ASIC2: variants seen among roughly 807,000 people sequenced by gnomAD.
ASIC2 encodes acid-sensing ion channel 2.
Under a neutral mutation model 57.3 loss-of-function variants are expected in ASIC2, and 25 were observed. That is an observed-to-expected ratio of 0.44 (90% CI 0.32 to 0.61). The LOEUF (loss-of-function observed/expected upper bound fraction) is 0.61. Ranked by LOEUF, ASIC2 falls within the 20% of genes least tolerant of loss-of-function variation. The pLI is 0.06. For missense variants in ASIC2, 641 were observed against 738.1 expected (o/e 0.87, Z 1.52); for synonymous variants, 319 against 307.5 (o/e 1.04, Z -0.39).
intron 1 of ASIC2, among the ~76,000 whole-genome samples, chr17:33,409,654 C>T (rs1047316418): frequency 1.1e-4 from 17 of 152,304 alleles, no homozygotes; most frequent in African/African-American, 3.8e-4. Flanking sequence ...CAGCAGGCAG[C>T]AGTATCTTCT....
intron 1 of ASIC2, among the ~76,000 whole-genome samples, chr17:34,049,545 C>G (rs953837669): frequency 2.6e-5 from 4 of 152,124 alleles, no homozygotes; most frequent in African/African-American, 9.7e-5. Context: ...CCTCCATGAT[C>G]AAGCCCATCC....
At chr17:33,294,017 T>A (rs1905618171), upstream of ASIC2, among the ~76,000 whole-genome samples, 4 of 152,098 alleles carry the variant, frequency 2.6e-5, no homozygotes, top group South Asian at 8.3e-4. Context: ...CTCAGCCTCT[T>A]AGGGACATCC....
chr17:33,747,130 T>C (rs1910291510), intron 1 of ASIC2, among the ~76,000 whole-genome samples: 1 of 152,104 alleles, frequency 6.6e-6, no homozygotes, highest in Non-Finnish European at 1.5e-5. Flanking sequence ...ATGTACTTTG[T>C]AGATTGTCTT....
intron 1 of ASIC2, among the ~76,000 whole-genome samples, chr17:33,657,752 G>A (rs1907121501): frequency 9.8e-6 from 1 of 102,348 alleles, no homozygotes. Context: ...ACCTTTGGCA[G>A]TTTCTAAAAA....
Position 33,325,214 on chromosome 17 carries a change from A to T in ASIC2, c.556-213147T>A, listed in dbSNP as rs529212349. ...GAAAGCAGACAATAAGCAGATATTC[A>T]CACAAATAACTCAAAAAATGAACCT... On this transcript the variant is annotated intron_variant, in intron 1 of 9. Coordinates refer to the ASIC2 transcript ENST00000359872. Among the ~76,000 whole-genome samples the T allele has an allele frequency of 2.5e-4, 38 of 152,356 alleles. 1 individual carries two copies. The highest frequency in any genetic ancestry group is 7.7e-4 in the African/African-American group (32 of 41,590).
intron 1 of ASIC2, among the ~76,000 whole-genome samples, chr17:33,590,009 C>T (rs147236606): frequency 2.0e-5 from 3 of 152,286 alleles, no homozygotes; most frequent in East Asian, 3.9e-4. Context: ...GTGGTCCACC[C>T]ATCATATAAT....
At chr17:33,811,803 C>T (rs1009248801) in intron 1 of ASIC2, among the ~76,000 whole-genome samples, 1 of 152,202 alleles carries the variant, frequency 6.6e-6, no homozygotes, top group African/African-American at 2.4e-5. Flanking sequence ...GGAACTCAAA[C>T]CCAGACCACA....
At chr17:33,622,652 G>A (rs1349216850) in intron 1 of ASIC2, among the ~76,000 whole-genome samples, 1 of 152,122 alleles carries the variant, frequency 6.6e-6, no homozygotes, top group Non-Finnish European at 1.5e-5. Context: ...AAGATGGAAG[G>A]AAGGTAGATA....
chr17:33,922,922 C>A (rs953378221), intron 1 of ASIC2, among the ~76,000 whole-genome samples: 1 of 152,184 alleles, frequency 6.6e-6, no homozygotes, highest in Non-Finnish European at 1.5e-5. Context: ...CACTAGGCTG[C>A]GTGGCAGATG....
At chr17:33,952,666 G>T (rs765062481) in intron 1 of ASIC2, among the ~76,000 whole-genome samples, 2 of 151,892 alleles carry the variant, frequency 1.3e-5, no homozygotes, top group Non-Finnish European at 2.9e-5. Flanking sequence ...TTACAATTTG[G>T]GCTTTTAAAA....
chr17:33,993,500 T>C (rs1480368157), intron 1 of ASIC2, among the ~76,000 whole-genome samples: 1 of 152,206 alleles, frequency 6.6e-6, no homozygotes, highest in Non-Finnish European at 1.5e-5. Context: ...TGCCTCTTCT[T>C]TGAAGTTCTT....
intron 1 of ASIC2, among the ~76,000 whole-genome samples, chr17:33,853,035 C>A (rs994605960): frequency 6.6e-6 from 1 of 152,192 alleles, no homozygotes; most frequent in Non-Finnish European, 1.5e-5. Flanking sequence ...TCCTCACAGT[C>A]ATGTACAGTC....
At chr17:33,590,576 A>T (rs115871425) in intron 1 of ASIC2, among the ~76,000 whole-genome samples, 1 of 150,876 alleles carries the variant, frequency 6.6e-6, no homozygotes, top group African/African-American at 2.4e-5. Flanking sequence ...TCTACACCAC[A>T]CCCCAATCTC....
chr17:33,856,269 AG>A (rs1390097667), intron 1 of ASIC2, among the ~76,000 whole-genome samples: 1 of 152,200 alleles, frequency 6.6e-6, no homozygotes, highest in Non-Finnish European at 1.5e-5. Flanking sequence ...CAATTTCATG[AG>A]GTCATTGTGA....
At chr17:34,125,067 C>A (rs977813920) in intron 1 of ASIC2, among the ~76,000 whole-genome samples, 1 of 151,652 alleles carries the variant, frequency 6.6e-6, no homozygotes, top group South Asian at 2.1e-4. Flanking sequence ...CTTCCCTTCC[C>A]TTCCAGAGAC....
intron 3 of ASIC2, among the ~76,000 whole-genome samples, chr17:33,068,370 C>A (rs2092052694): frequency 6.6e-6 from 1 of 152,082 alleles, no homozygotes; most frequent in African/African-American, 2.4e-5. Context: ...CCCGTTTCTA[C>A]TAAAAATACA....
chr17:33,581,143 T>C (rs1232041350), intron 1 of ASIC2: 2 of 152,184 alleles, frequency 1.3e-5, no homozygotes, highest in Non-Finnish European at 2.9e-5. Flanking sequence ...TGTAATCCCA[T>C]GTGTTCTTAA....
chr17:33,372,702 C>T lies in ASIC2; in HGVS notation c.556-260635G>A, dbSNP rs138989666. On this transcript the variant is annotated intron_variant, in intron 1 of 9. Transcript: ENST00000359872. ...AGCCACATTCCCACCCCATTGGAACCGCTGGCCATTGGGATCTGGGCAGCC... is the reference window on the plus strand; with the variant it reads ...AGCCACATTCCCACCCCATTGGAACTGCTGGCCATTGGGATCTGGGCAGCC... Among the ~76,000 whole-genome samples, 20 of 152,286 alleles carry T rather than the reference C, an allele frequency of 1.3e-4. No individual in the cohort carries two copies. In the East Asian group the frequency reaches 1.7e-3, roughly 13 times the overall value.
At chr17:33,673,897 C>CTTTTTTTTTTTTTTTTTTTTTTT (rs574986885) in intron 1 of ASIC2, among the ~76,000 whole-genome samples, 5 of 141,148 alleles carry the variant, frequency 3.5e-5, no homozygotes, top group African/African-American at 1.1e-4. Context: ...GCATCCGTGT[C>CTTTTTTTTTTTTTTTTTTTTTTT]TTTTTTTTTT....
Sources: allele counts gnomAD v4.1 joint callset (sites outside exome capture counted in the v4.1 genomes callset), GRCh38; gene constraint gnomAD v4.1.1; transcripts MANE v1.5; gene names NCBI Gene and HGNC (gene_info 2026-07-23, HGNC 2026-07-21).